FSIP1: variants seen among roughly 807,000 people sequenced by gnomAD.
FSIP1 encodes the protein fibrous sheath-interacting protein 1.
Under a neutral mutation model 60.9 loss-of-function variants are expected in FSIP1, and 65 were observed. The observed-to-expected ratio is 1.07, with a 90% CI of 0.87 to 1.31. The LOEUF (loss-of-function observed/expected upper bound fraction) is 1.31, where lower values mean the gene tolerates loss of function less well. FSIP1 is among the 40% of genes most tolerant of loss of function. The pLI, the probability that FSIP1 is intolerant of heterozygous loss-of-function variation, is 0.00. For missense variants in FSIP1, 675 were observed against 665.5 expected (o/e 1.01, Z -0.16); for synonymous variants, 209 against 221.2 (o/e 0.94, Z 0.49).
Position 39,725,614 on chromosome 15 carries a change from G to C in FSIP1, c.1050+975C>G, listed in dbSNP as rs1896159425. On this transcript the variant is annotated intron_variant, in intron 9 of 11. Coordinates refer to ENST00000350221, the MANE Select transcript of FSIP1 (RefSeq NM_152597.5). ...GATCATGGTCATCTACAATTGTAGA[G>C]AAAATGATTTGGTGAAAAGTTTTAC... 3.9e-5 allele frequency among the ~76,000 whole-genome samples: 6 copies of C among 152,186 alleles called. No individual in the cohort carries two copies. The South Asian group carries it at 1.0e-3, about 26-fold the overall frequency.
chr15:39,737,788 CTCATTAGT>C (rs1274856865), intron 8 of FSIP1, among the ~76,000 whole-genome samples: 1 of 151,992 alleles, frequency 6.6e-6, no homozygotes, highest in Non-Finnish European at 1.5e-5. Context: ...AAGCCTAGTA[CTCATTAGT>C]TATTTTTCCT....
intron 2 of FSIP1, among the ~76,000 whole-genome samples, chr15:39,775,601 C>T (rs1166069960): frequency 6.6e-6 from 1 of 152,110 alleles, no homozygotes; most frequent in African/African-American, 2.4e-5. Context: ...ATTGTAATTC[C>T]CAGTGTCGGA....
chr15:39,711,481 G>A (rs1167205209), intron 10 of FSIP1, among the ~76,000 whole-genome samples: 1 of 152,108 alleles, frequency 6.6e-6, no homozygotes, highest in African/African-American at 2.4e-5. Context: ...TCAGAAATCA[G>A]GAGAATGGAT....
chr15:39,718,227 T>A (rs974880695), intron 9 of FSIP1, among the ~76,000 whole-genome samples: 10 of 152,078 alleles, frequency 6.6e-5, no homozygotes, highest in African/African-American at 2.4e-4. Flanking sequence ...GATAGATAGA[T>A]AGATATAGAT....
At chr15:39,688,013 C>T (rs1894450888) in intron 10 of FSIP1, among the ~76,000 whole-genome samples, 1 of 152,142 alleles carries the variant, frequency 6.6e-6, no homozygotes, top group South Asian at 2.1e-4. Flanking sequence ...TATTATTAGG[C>T]TAAGGGGCCT....
intron 5 of FSIP1, among the ~76,000 whole-genome samples, chr15:39,749,446 A>G (rs976708018): frequency 6.6e-5 from 10 of 152,100 alleles, no homozygotes; most frequent in African/African-American, 2.4e-4. Flanking sequence ...ATTCAACAAT[A>G]TATCAAAAAG....
At chr15:39,661,720 C>T (rs187054755) in intron 10 of FSIP1, among the ~76,000 whole-genome samples, 15 of 152,268 alleles carry the variant, frequency 9.9e-5, no homozygotes, top group Admixed American at 7.9e-4. Context: ...TCAAGTCATA[C>T]ACCAGAGTAA....
intron 10 of FSIP1, among the ~76,000 whole-genome samples, chr15:39,694,785 G>A (rs540411449): frequency 2.0e-5 from 3 of 151,184 alleles, no homozygotes; most frequent in South Asian, 2.1e-4. Flanking sequence ...GTGAGACTCC[G>A]TCTCAAAAAA....
chr15:39,628,499 A>T (rs1891735074), intron 10 of FSIP1, among the ~76,000 whole-genome samples: 1 of 152,178 alleles, frequency 6.6e-6, no homozygotes, highest in Non-Finnish European at 1.5e-5. Flanking sequence ...CCACTGAGGA[A>T]TCAAAATGAG....
intron 10 of FSIP1, among the ~76,000 whole-genome samples, chr15:39,633,474 C>T (rs1046419412): frequency 1.3e-5 from 2 of 152,088 alleles, no homozygotes; most frequent in African/African-American, 4.8e-5. Flanking sequence ...CTGAATTCAA[C>T]AGTTAATTAA....
intron 8 of FSIP1, among the ~76,000 whole-genome samples, chr15:39,729,843 C>T (rs1896337057): frequency 6.6e-6 from 1 of 152,058 alleles, no homozygotes; most frequent in Admixed American, 6.5e-5. Flanking sequence ...ACATTGAGTA[C>T]ACATGGACAC....
At chr15:39,663,447 G>A (rs928557003) in intron 10 of FSIP1, among the ~76,000 whole-genome samples, 16 of 151,894 alleles carry the variant, frequency 1.1e-4, no homozygotes, top group Admixed American at 5.2e-4. Context: ...TCAAATCTAC[G>A]GTAAATATAT....
Position 39,618,018 on chromosome 15 carries a change from C to T in FSIP1, c.1416G>A (p.Glu472=). 1.2e-6 allele frequency: 2 copies of T among 1,614,214 alleles called. No individual in the cohort carries two copies. The highest frequency in any genetic ancestry group is 1.7e-6 in the Non-Finnish European group (2 of 1,180,018). ...KTEVEDADML[E]SEECEASKGY... is the part of the protein sequence containing the mutation. Reference sequence around the variant, plus strand: ...CTTTAGAAGCTTCACATTCTTCACTCTCAAGCATATCTGCATCTTCTACCT... The same window carrying T: ...CTTTAGAAGCTTCACATTCTTCACTTTCAAGCATATCTGCATCTTCTACCT... The change falls in exon 11 of 12, where the codon GAG becomes GAA. Residue 472 remains glutamate, a synonymous_variant. Transcript: ENST00000350221.
chr15:39,601,668 A>C (rs57781422), intron 11 of FSIP1, among the ~76,000 whole-genome samples: 4,210 of 152,352 alleles, frequency 0.028, 183 homozygotes, highest in African/African-American at 0.097. Context: ...TCAAATGATG[A>C]ATGGATAAGC....
intron 11 of FSIP1, among the ~76,000 whole-genome samples, chr15:39,605,122 T>C (rs1415319281): frequency 1.3e-5 from 2 of 152,224 alleles, no homozygotes; most frequent in African/African-American, 4.8e-5. Flanking sequence ...TCAGATTATA[T>C]AGTCGTCATT....
chr15:39,739,209 A>G (rs1217077433), intron 7 of FSIP1, among the ~76,000 whole-genome samples: 1 of 152,230 alleles, frequency 6.6e-6, no homozygotes, highest in Non-Finnish European at 1.5e-5. Flanking sequence ...GAAGAGGCGG[A>G]CAACCAGTTG....
chr15:39,749,402 T>G (rs1162400531), intron 5 of FSIP1, among the ~76,000 whole-genome samples: 1 of 134,254 alleles, frequency 7.4e-6, no homozygotes, highest in East Asian at 2.1e-4. Context: ...AACATTGATG[T>G]AAAAATCCTT....
At chr15:39,778,803 C>A (rs1053648358) in intron 1 of FSIP1, among the ~76,000 whole-genome samples, 2 of 151,924 alleles carry the variant, frequency 1.3e-5, no homozygotes, top group African/African-American at 4.8e-5. Flanking sequence ...AGCCAAACAA[C>A]AGTTAAACAT....
chr15:39,631,668 T>G (rs940651166), intron 10 of FSIP1, among the ~76,000 whole-genome samples: 5 of 152,212 alleles, frequency 3.3e-5, no homozygotes, highest in African/African-American at 1.2e-4. Context: ...GCTGTGATAT[T>G]CACTACAAGT....
Sources: allele counts gnomAD v4.1 joint callset (sites outside exome capture counted in the v4.1 genomes callset), GRCh38; gene constraint gnomAD v4.1.1; transcripts MANE v1.5; gene names NCBI Gene and HGNC (gene_info 2026-07-23, HGNC 2026-07-21).